The following EPC2 variants were observed in gnomAD, a reference collection of about 807,000 sequenced individuals.
EPC2 encodes enhancer of polycomb homolog 2.
Under a neutral mutation model 92.1 loss-of-function variants are expected in EPC2, and 14 were observed. The ratio of observed to expected loss-of-function variants is 0.15; its 90% CI spans 0.10 to 0.24. EPC2 has a LOEUF of 0.24. Ranked by LOEUF, EPC2 falls within the 10% of genes least tolerant of loss-of-function variation. EPC2 has a pLI of 1.00. For missense variants in EPC2, 755 were observed against 971.5 expected, an observed-to-expected ratio of 0.78 and a Z score of 2.96; for synonymous variants, 340 against 334.7, an observed-to-expected ratio of 1.02 and a Z score of -0.17.
chr2:148,692,510 ATTTCT>A (rs1681665809), intron 2 of EPC2: 1 of 152,140 alleles, frequency 6.6e-6, no homozygotes, highest in Non-Finnish European at 1.5e-5. Context: ...TTTTCCACAG[ATTTCT>A]TTTCTCTGAA....
chr2:148,688,363 G>C (rs960266091), intron 1 of EPC2, among the ~76,000 whole-genome samples: 2 of 151,878 alleles, frequency 1.3e-5, no homozygotes, highest in Non-Finnish European at 1.5e-5. Flanking sequence ...TGAACAGTGA[G>C]AACACATGGA....
chr2:148,721,287 A>G (rs1032477467), intron 2 of EPC2, among the ~76,000 whole-genome samples: 1 of 149,588 alleles, frequency 6.7e-6, no homozygotes, highest in Non-Finnish European at 1.5e-5. Context: ...TTTGAAGGGT[A>G]TTTTCACAGA....
At chr2:148,654,874 T>G (rs1680759065) in intron 1 of EPC2, among the ~76,000 whole-genome samples, 1 of 152,174 alleles carries the variant, frequency 6.6e-6, no homozygotes, top group Non-Finnish European at 1.5e-5. Context: ...TAAATATTGT[T>G]TTTGTTCCTC....
intron 2 of EPC2, among the ~76,000 whole-genome samples, chr2:148,694,166 G>C (rs1681698798): frequency 6.6e-6 from 1 of 152,130 alleles, no homozygotes; most frequent in Non-Finnish European, 1.5e-5. Context: ...CAAATATAAG[G>C]CTAAAATTAT....
chr2:148,711,409 A>T (rs1279958774), intron 2 of EPC2, among the ~76,000 whole-genome samples: 1 of 151,968 alleles, frequency 6.6e-6, no homozygotes, highest in East Asian at 1.9e-4. Flanking sequence ...TATTTTTGTT[A>T]TTCATTTCTG....
intron 2 of EPC2, among the ~76,000 whole-genome samples, chr2:148,727,248 G>GT (rs2105395094): frequency 6.6e-6 from 1 of 152,208 alleles, no homozygotes; most frequent in Admixed American, 6.5e-5. Flanking sequence ...ATATGTCAGG[G>GT]TTTATTTCTG....
At chr2:148,767,820 G>T (rs1191272582) in intron 7 of EPC2, among the ~76,000 whole-genome samples, 2 of 152,226 alleles carry the variant, frequency 1.3e-5, no homozygotes, top group African/African-American at 2.4e-5. Context: ...TAGTTAGGAG[G>T]AAGGGGTGAT....
chr2:148,786,283 A>T (rs1179496535), intron 13 of EPC2, 22 bp from the exon 14 acceptor site: 9 of 1,587,232 alleles, frequency 5.7e-6, no homozygotes, highest in Admixed American at 1.7e-5. Flanking sequence ...TATTTATTTT[A>T]TCCTTTGCCT....
Position 148,784,880 on chromosome 2 carries a change from G to A in EPC2, c.2230G>A (p.Val744Met). Residue 744 changes from valine to methionine, a missense_variant, in exon 13 of 14, where the codon GTG becomes ATG. By Grantham distance (21) the Val-to-Met change is conservative. This residue lies in a region of EPC2 where 207 missense variants were observed against 260.5 expected (regional missense o/e 0.79). Transcript: ENST00000258484. ...TGTCAGTGTTGTTTCTCCAGTCAATGTGCATATCAATACACGGACTTCAGC... is the reference window on the plus strand; with the variant it reads ...TGTCAGTGTTGTTTCTCCAGTCAATATGCATATCAATACACGGACTTCAGC... ...NNVSVVSPVN[V>M]HINTRTSAPS... is the part of the protein sequence containing the mutation. 1.9e-6 allele frequency: 3 copies of A among 1,612,018 alleles called. No individual in the cohort carries two copies. Among genetic ancestry groups the A allele is most frequent in the Non-Finnish European group, 2.5e-6 (3 of 1,178,818 alleles).
chr2:148,723,738 A>C (rs1268124689), intron 2 of EPC2, among the ~76,000 whole-genome samples: 1 of 152,056 alleles, frequency 6.6e-6, no homozygotes, highest in East Asian at 1.9e-4. Flanking sequence ...CGATGTTTAG[A>C]CTTTTTTCCA....
chr2:148,658,823 G>A (rs1680872076), intron 1 of EPC2, among the ~76,000 whole-genome samples: 2 of 146,656 alleles, frequency 1.4e-5, no homozygotes, highest in South Asian at 4.1e-4. Flanking sequence ...AACTATATAT[G>A]TATGTTATAT....
intron 1 of EPC2, among the ~76,000 whole-genome samples, chr2:148,648,569 T>C (rs542917181): frequency 6.6e-6 from 1 of 152,332 alleles, no homozygotes; most frequent in Admixed American, 6.5e-5. Flanking sequence ...TTGCTGGGTG[T>C]CTCTGAACTG....
Position 148,753,969 on chromosome 2 carries a change from G to A in EPC2, c.502G>A (p.Asp168Asn). 6.2e-7 allele frequency: 1 copy of A among 1,612,070 alleles called. No individual in the cohort carries two copies. The highest frequency in any genetic ancestry group is 2.2e-5 in the East Asian group (1 of 44,838). Reference sequence around the variant, plus strand: ...AGCAAAACTGCTGCTAAACGAAGATGATTACCTTATTAAAGCTGTATATGA... The same window carrying A: ...AGCAAAACTGCTGCTAAACGAAGATAATTACCTTATTAAAGCTGTATATGA... ...QEAKLLLNED[D>N]YLIKAVYDYW... Residue 168 changes from aspartate to asparagine, a missense_variant, in exon 4 of 14, where the codon GAT (aspartate) becomes AAT (asparagine). Physicochemically the swap from Asp to Asn is conservative, Grantham distance 23. This residue lies in a region of EPC2 where 509 missense variants were observed against 607.7 expected (regional missense o/e 0.84). Transcript: ENST00000258484.
intron 2 of EPC2, among the ~76,000 whole-genome samples, chr2:148,728,244 A>G (rs12998217): frequency 0.14 from 21,326 of 152,164 alleles, 2,429 homozygotes; most frequent in East Asian, 0.46. Context: ...CCCTGCCAAG[A>G]AAGTGTATTT....
chr2:148,736,655 G>A (rs35869508), intron 2 of EPC2, among the ~76,000 whole-genome samples: 27,859 of 151,902 alleles, frequency 0.18, 3,277 homozygotes, highest in East Asian at 0.49. Context: ...AAAGGTTTTA[G>A]CCTTCCACAC....
At chr2:148,708,790 A>G (rs1383137673) in intron 2 of EPC2, among the ~76,000 whole-genome samples, 1 of 152,246 alleles carries the variant, frequency 6.6e-6, no homozygotes, top group Non-Finnish European at 1.5e-5. Context: ...GACAAAATTC[A>G]GCATCCCTTC....
chr2:148,660,952 G>T (rs553924286), intron 1 of EPC2, among the ~76,000 whole-genome samples: 1 of 151,860 alleles, frequency 6.6e-6, no homozygotes, highest in East Asian at 1.9e-4. Flanking sequence ...ATTATTAATT[G>T]TTTATTATCT....
intron 1 of EPC2, among the ~76,000 whole-genome samples, chr2:148,681,976 G>GT (rs1370492192): frequency 1.3e-5 from 2 of 152,088 alleles, no homozygotes; most frequent in African/African-American, 4.8e-5. Context: ...GCGGTGTTTG[G>GT]TTTTTTGTCC....
intron 1 of EPC2, among the ~76,000 whole-genome samples, chr2:148,684,063 G>C (rs1017046337): frequency 7.2e-5 from 11 of 152,204 alleles, no homozygotes; most frequent in African/African-American, 2.7e-4. Context: ...TCTTGCAGGA[G>C]TAAGGTGGTA....
Sources: gnomAD v4.1 joint callset for allele counts (sites outside exome capture counted in the v4.1 genomes callset) on GRCh38, gnomAD v4.1.1 for gene constraint, gnomAD v4.1.1 regional missense constraint, MANE v1.5 for transcripts, NCBI Gene and HGNC (gene_info 2026-07-23, HGNC 2026-07-21) for gene names.